The following CD83 variants were observed in gnomAD, a reference collection of about 807,000 sequenced individuals.
CD83 encodes CD83 molecule.
CD83 carries 22 observed loss-of-function variants against 24.6 expected under a neutral mutation model. The observed-to-expected ratio is 0.90, with a 90% confidence interval of 0.64 to 1.28. The LOEUF (loss-of-function observed/expected upper bound fraction) is 1.28. Among genes scored for constraint, CD83 ranks in the 50% most tolerant of loss-of-function variants. The pLI, the probability that CD83 is intolerant of heterozygous loss-of-function variation, is 0.00. For missense variants in CD83, 253 were observed against 252.8 expected, an observed-to-expected ratio of 1.00 and a Z score of -0.01; for synonymous variants, 101 against 103.5, an observed-to-expected ratio of 0.98 and a Z score of 0.14.
At chr6:14,118,429 A>G (rs1759595110) in intron 2 of CD83, among the ~76,000 whole-genome samples, 1 of 152,124 alleles carries the variant, frequency 6.6e-6, no homozygotes, top group Admixed American at 6.5e-5. Flanking sequence ...AGGGACCTAG[A>G]TTTGGGCATT....
chr6:14,126,409 G>C (rs72836566), intron 2 of CD83, among the ~76,000 whole-genome samples: 18,029 of 152,148 alleles, frequency 0.12, 1,415 homozygotes, highest in Admixed American at 0.19. Context: ...ATCACCCCCA[G>C]ATTCCAGTGG....
intron 2 of CD83, among the ~76,000 whole-genome samples, chr6:14,127,747 TC>T (rs1304532044): frequency 6.6e-6 from 1 of 152,108 alleles, no homozygotes; most frequent in Non-Finnish European, 1.5e-5. Context: ...CAAGTCAGAG[TC>T]CCCAGGCTTT....
chr6:14,120,953 T>C (rs1324925202), intron 2 of CD83, among the ~76,000 whole-genome samples: 1 of 152,150 alleles, frequency 6.6e-6, no homozygotes, highest in East Asian at 1.9e-4. Flanking sequence ...TAGACACATG[T>C]GCAAGAGGCT....
At chr6:14,130,640 G>A (rs576567301) in intron 2 of CD83, among the ~76,000 whole-genome samples, 63 of 152,274 alleles carry the variant, frequency 4.1e-4, no homozygotes, top group African/African-American at 1.4e-3. Flanking sequence ...TGAGGTGGGA[G>A]TACCAGAAGG....
chr6:14,117,915 TCGCTTGCTCACGACG>T lies in CD83; in HGVS notation c.38-30_38-16del. ...CCTCCACGACACCCCCTCCCGTCGG[TCGCTTGCTCACGACG>T]CGCTCTCTCTTTCTTGTAGCCTACA... is the stretch of plus-strand genomic sequence containing the variant. On this transcript the variant is annotated intron_variant, in intron 1 of 4. Transcript: ENST00000379153. This position sits in a 1 kb window ranked among gnomAD's most constrained non-coding sequence, Gnocchi z 4.6. The T allele has an allele frequency of 6.3e-7, 1 of 1,581,026 alleles. No homozygotes were observed. The highest frequency in any genetic ancestry group is 8.6e-7 in the Non-Finnish European group (1 of 1,165,322).
intron 2 of CD83, 87 bp from the exon 3 acceptor site, chr6:14,131,433 G>A (rs1408025258): frequency 2.1e-6 from 2 of 942,902 alleles, no homozygotes; most frequent in East Asian, 2.5e-5. Context: ...AGTTGAGGCT[G>A]GATCTTCTGA....
In CD83 at chr6:14,136,250, C is replaced by A. The variant is rs1466945154; in HGVS notation, c.*1014C>A. 6.6e-6 allele frequency: 1 copy of A among 152,184 alleles called. No individual in the cohort carries two copies. The highest frequency in any genetic ancestry group is 2.4e-5 in the African/African-American group (1 of 41,444). 9.4% of individuals were successfully genotyped at this position (152,184 alleles called of 1,614,324 possible). On this transcript the variant is annotated 3_prime_UTR_variant, in exon 5 of 5. Transcript: ENST00000379153. ...ATTCGAAACTCCATTGAGTCATTAT[C>A]CTTGCTATGATGATGGTGTTTTGGG...
At chr6:14,135,028 A>G in intron 4 of CD83, 80 bp from the exon 5 acceptor site, 1 of 1,430,830 alleles carries the variant, frequency 7.0e-7, no homozygotes, top group Non-Finnish European at 9.7e-7. Flanking sequence ...GCCAGCTCTT[A>G]GTGAATAGAG....
chr6:14,127,947 G>A (rs1405112445), intron 2 of CD83, among the ~76,000 whole-genome samples: 3 of 152,206 alleles, frequency 2.0e-5, no homozygotes, highest in East Asian at 1.9e-4. Flanking sequence ...ATTGTGAAGC[G>A]TGCATTAAAT....
At chr6:14,117,626 G>T (rs1442399867), upstream of CD83, 8 of 338,330 alleles carry the variant, frequency 2.4e-5, no homozygotes, top group East Asian at 8.6e-5. The surrounding 1 kb of genome is among the most constrained non-coding windows in gnomAD (Gnocchi z 4.6). Context: ...GGGGGCGAAG[G>T]GGGCGGGGAC....
chr6:14,135,456 A>G lies in CD83; in HGVS notation c.*220A>G. Reference sequence around the variant, plus strand: ...AGCATGAGGCCACTGCTGCTTCTCCATGGCCACCTTTTCAGCGATGTATGC... The same window carrying G: ...AGCATGAGGCCACTGCTGCTTCTCCGTGGCCACCTTTTCAGCGATGTATGC... On this transcript the variant is annotated 3_prime_UTR_variant, in exon 5 of 5. Coordinates refer to ENST00000379153, the MANE Select transcript of CD83 (RefSeq NM_004233.4). The G allele has an allele frequency of 6.0e-6, 3 of 495,880 alleles. No homozygotes were observed. The highest frequency in any genetic ancestry group is 7.2e-6 in the Non-Finnish European group (2 of 278,420). The allele number at this position is 495,880 out of a possible 1,614,324, so 30.7% of individuals were successfully genotyped here. A position where few individuals can be genotyped will look rare whatever the true frequency, so the allele number is the denominator to read the frequency against.
intron 2 of CD83, among the ~76,000 whole-genome samples, chr6:14,122,710 C>T (rs770612250): frequency 2.0e-5 from 3 of 152,084 alleles, no homozygotes; most frequent in Non-Finnish European, 2.9e-5. Context: ...TTTATGGGCT[C>T]CTCCCTAGGT....
At chr6:14,121,751 A>G (rs1759676738) in intron 2 of CD83, among the ~76,000 whole-genome samples, 2 of 152,140 alleles carry the variant, frequency 1.3e-5, no homozygotes, top group African/African-American at 4.8e-5. Flanking sequence ...ATTCCAGCAT[A>G]AAAGGGCATA....
At chr6:14,123,138 C>A (rs1245861776) in intron 2 of CD83, among the ~76,000 whole-genome samples, 1 of 150,864 alleles carries the variant, frequency 6.6e-6, no homozygotes, top group African/African-American at 2.4e-5. Flanking sequence ...GCTCTTGTCG[C>A]CCAGGCTGGA....
At chr6:14,121,705 A>ATGACT (rs1289010629) in intron 2 of CD83, among the ~76,000 whole-genome samples, 1 of 151,348 alleles carries the variant, frequency 6.6e-6, no homozygotes, top group East Asian at 2.0e-4. Flanking sequence ...ACTTTGATCC[A>ATGACT]TGACTTTTCT....
At chr6:14,133,351 C>G (rs1757966323) in intron 3 of CD83, among the ~76,000 whole-genome samples, 1 of 152,260 alleles carries the variant, frequency 6.6e-6, no homozygotes, top group Non-Finnish European at 1.5e-5. Flanking sequence ...CCGCCTTGGT[C>G]CTTGGTCCTT....
intron 4 of CD83, 27 bp downstream of exon 4, chr6:14,133,782 C>G: frequency 6.9e-7 from 1 of 1,443,458 alleles, no homozygotes; most frequent in South Asian, 1.1e-5. Flanking sequence ...AACATCTTCT[C>G]TTATTAAAAG....
chr6:14,133,146 C>T (rs903279043), intron 3 of CD83, among the ~76,000 whole-genome samples: 2 of 152,264 alleles, frequency 1.3e-5, no homozygotes, highest in African/African-American at 4.8e-5. Flanking sequence ...TCCCCTGCTT[C>T]CTTTCATAGT....
intron 2 of CD83, among the ~76,000 whole-genome samples, chr6:14,124,469 C>G (rs1000473092): frequency 6.6e-6 from 1 of 152,108 alleles, no homozygotes; most frequent in Non-Finnish European, 1.5e-5. Context: ...CACCTTGGAC[C>G]AGCAGTTCTG....
Sources: gnomAD v4.1 joint callset for allele counts (sites outside exome capture counted in the v4.1 genomes callset) on GRCh38, gnomAD v4.1.1 for gene constraint, Gnocchi (gnomAD v3.1) non-coding constraint, MANE v1.5 for transcripts, NCBI Gene and HGNC (gene_info 2026-07-23, HGNC 2026-07-21) for gene names.